Variants in ARPP19 observed in about 807,000 individuals in gnomAD.
ARPP19 encodes the protein cAMP-regulated phosphoprotein 19.
ARPP19 carries 8 observed loss-of-function variants against 12.0 expected under a neutral mutation model. The ratio of observed to expected loss-of-function variants is 0.67; its 90% CI spans 0.39 to 1.21. The LOEUF is 1.21. Ranked by LOEUF, ARPP19 falls within the 50% of genes most tolerant of loss-of-function variation. The pLI is 0.01. For synonymous variants in ARPP19, 47 were observed against 50.4 expected (o/e 0.93, Z 0.29); for missense variants, 102 against 136.3 (o/e 0.75, Z 1.25).
intron 2 of ARPP19, among the ~76,000 whole-genome samples, chr15:52,556,089 T>G (rs1390701688): frequency 6.6e-6 from 1 of 152,086 alleles, no homozygotes; most frequent in African/African-American, 2.4e-5. Flanking sequence ...TCCTAGTATT[T>G]CAAAGCTGTG....
intron 2 of ARPP19, 30 bp from the exon 3 acceptor site, chr15:52,552,134 T>C (rs1194964066): frequency 5.0e-6 from 7 of 1,402,908 alleles, no homozygotes; most frequent in Non-Finnish European, 7.1e-6. Context: ...AAATTCAGAT[T>C]AGAGCTTAGC....
intron 2 of ARPP19, among the ~76,000 whole-genome samples, chr15:52,553,608 T>TA (rs1181059376): frequency 6.6e-6 from 1 of 152,210 alleles, no homozygotes; most frequent in Non-Finnish European, 1.5e-5. Context: ...CACAGTGCTA[T>TA]ATGGTGCTCA....
chr15:52,556,601 A>G (rs905837878), intron 2 of ARPP19, among the ~76,000 whole-genome samples: 1 of 152,156 alleles, frequency 6.6e-6, no homozygotes, highest in Non-Finnish European at 1.5e-5. Context: ...TTTCATCCAA[A>G]TAAGTATTTT....
upstream of ARPP19, chr15:52,569,073 C>A: frequency 1.8e-6 from 1 of 565,930 alleles, no homozygotes; most frequent in Non-Finnish European, 3.1e-6. Flanking sequence ...GGCCCTCGCA[C>A]GCCGGAGCCC....
Position 52,550,563 on chromosome 15 carries a change from G to A in ARPP19, c.*1371C>T, listed in dbSNP as rs1259788941. ...GAGCCTAGGAGTAAGGTTGCAGTGA[G>A]CTGTGATTGCACTACTGCACTAGAG... is the stretch of plus-strand genomic sequence containing the variant. On this transcript the variant is annotated 3_prime_UTR_variant, in exon 3 of 3. Coordinates refer to ENST00000249822, the MANE Select transcript of ARPP19 (RefSeq NM_006628.6). 1 of 152,106 alleles carries A rather than the reference G, an allele frequency of 6.6e-6. No homozygotes were observed. The highest frequency in any genetic ancestry group is 2.4e-5 in the African/African-American group (1 of 41,422). 9.4% of individuals were successfully genotyped at this position (152,106 alleles called of 1,614,324 possible).
rs2077915038 is a variant in ARPP19 at position 52,550,062 on chromosome 15, G to C, written c.*1872C>G. 1.3e-5 allele frequency: 2 copies of C among 152,682 alleles called. No individual in the cohort carries two copies. The highest frequency in any genetic ancestry group is 2.1e-4 in the South Asian group (1 of 4,824). The allele number at this position is 152,682 out of a possible 1,614,324, so 9.5% of individuals were successfully genotyped here. A position where few individuals can be genotyped will look rare whatever the true frequency, so the allele number is the denominator to read the frequency against. Reference sequence around the variant, plus strand: ...TCATAGGAGAGCAGGTATACTGATGGAACCAGGATTCAGAAAAGATGCCTG... The same window carrying C: ...TCATAGGAGAGCAGGTATACTGATGCAACCAGGATTCAGAAAAGATGCCTG... On this transcript the variant is annotated 3_prime_UTR_variant, in exon 3 of 3. Coordinates refer to ENST00000249822, the MANE Select transcript of ARPP19 (RefSeq NM_006628.6).
intron 1 of ARPP19, among the ~76,000 whole-genome samples, chr15:52,568,037 A>G (rs1595870136): frequency 6.6e-6 from 1 of 152,304 alleles, no homozygotes; most frequent in East Asian, 1.9e-4. Context: ...AGAGACAAAC[A>G]CCAGCCTAGA....
At chr15:52,558,512 T>C (rs553137885) in intron 1 of ARPP19, among the ~76,000 whole-genome samples, 1 of 149,748 alleles carries the variant, frequency 6.7e-6, no homozygotes, top group Non-Finnish European at 1.5e-5. Flanking sequence ...GAGAAAAAGC[T>C]GTACTGAGAT....
At chr15:52,560,996 T>C (rs1041470749) in intron 1 of ARPP19, among the ~76,000 whole-genome samples, 6 of 152,230 alleles carry the variant, frequency 3.9e-5, no homozygotes, top group Non-Finnish European at 8.8e-5. Flanking sequence ...CTCCCTTTTG[T>C]TCCTCTATTC....
In ARPP19 at chr15:52,551,897, A is replaced by C; in HGVS notation, c.*37T>G. The C allele has an allele frequency of 6.7e-7, 1 of 1,498,118 alleles. No homozygotes were observed. The highest frequency in any genetic ancestry group is 1.4e-5 in the African/African-American group (1 of 71,526). The allele number at this position is 1,498,118 out of a possible 1,614,324, so 92.8% of individuals were successfully genotyped here. A position where few individuals can be genotyped will look rare whatever the true frequency, so the allele number is the denominator to read the frequency against. On this transcript the variant is annotated 3_prime_UTR_variant, in exon 3 of 3. Transcript: ENST00000249822. Reference sequence around the variant, plus strand: ...ATAAGTAACATATTAAGGAGAAATAATGAGATTTAGCAGATTCATGCAGTT... The same window carrying C: ...ATAAGTAACATATTAAGGAGAAATACTGAGATTTAGCAGATTCATGCAGTT...
intron 2 of ARPP19, among the ~76,000 whole-genome samples, chr15:52,553,098 C>A (rs1173883971): frequency 6.6e-6 from 1 of 151,910 alleles, no homozygotes; most frequent in East Asian, 1.9e-4. Flanking sequence ...AACCAACCCC[C>A]CCATAATTAT....
chr15:52,561,632 G>A (rs2078033065), intron 1 of ARPP19, among the ~76,000 whole-genome samples: 1 of 151,832 alleles, frequency 6.6e-6, no homozygotes, highest in African/African-American at 2.4e-5. Context: ...GGAGTGTTGG[G>A]GAGAGCAAGA....
intron 1 of ARPP19, among the ~76,000 whole-genome samples, chr15:52,567,453 TGTAA>T (rs2078094227): frequency 6.6e-6 from 1 of 152,238 alleles, no homozygotes; most frequent in Admixed American, 6.5e-5. Context: ...CTAAGTTTGA[TGTAA>T]GTGTTTAAGG....
At position 52,547,278 on chromosome 15, in the gene ARPP19, T is replaced by C. The variant is rs2077885722; in HGVS notation, c.*4656A>G. 6.6e-6 allele frequency: 1 copy of C among 152,214 alleles called. No homozygotes were observed. Among genetic ancestry groups the C allele is most frequent in the African/African-American group, 2.4e-5 (1 of 41,440 alleles). 9.4% of individuals were successfully genotyped at this position (152,214 alleles called of 1,614,324 possible). ...TCCATTTATTTTTTAAATACAAGTATAATTTTGGAAGGGGTATTTGACAAA... is the reference window on the plus strand; with the variant it reads ...TCCATTTATTTTTTAAATACAAGTACAATTTTGGAAGGGGTATTTGACAAA... On this transcript the variant is annotated 3_prime_UTR_variant, in exon 3 of 3. Coordinates refer to ENST00000249822, the MANE Select transcript of ARPP19 (RefSeq NM_006628.6).
chr15:52,554,258 G>A (rs2077961660), intron 2 of ARPP19, among the ~76,000 whole-genome samples: 2 of 151,978 alleles, frequency 1.3e-5, no homozygotes, highest in Admixed American at 1.3e-4. Flanking sequence ...TCAATTAACT[G>A]TAGATTAGGC....
intron 2 of ARPP19, 159 bp downstream of exon 2, chr15:52,556,941 A>C (rs2077987043): frequency 1.5e-6 from 1 of 661,464 alleles, no homozygotes; most frequent in Non-Finnish European, 2.4e-6. Flanking sequence ...GCTTATTTAT[A>C]AACTGCAAAA....
chr15:52,562,704 T>A (rs1039019447), intron 1 of ARPP19, among the ~76,000 whole-genome samples: 5 of 151,892 alleles, frequency 3.3e-5, no homozygotes, highest in Non-Finnish European at 7.4e-5. Context: ...CAAGGGCTTA[T>A]ATCAGAGAAG....
chr15:52,569,015 G>A lies in ARPP19; in HGVS notation c.-123C>T. ...CGGGCCGCCTCCGCCCGCGAAAATGGCCGCCGCCTTATGACGACACGGAGC... is the reference window on the plus strand; with the variant it reads ...CGGGCCGCCTCCGCCCGCGAAAATGACCGCCGCCTTATGACGACACGGAGC... On this transcript the variant is annotated 5_prime_UTR_variant, in exon 1 of 3. Transcript: ENST00000249822. 1.5e-6 allele frequency: 1 copy of A among 685,438 alleles called. No homozygotes were observed. Among genetic ancestry groups the A allele is most frequent in the Non-Finnish European group, 2.5e-6 (1 of 407,924 alleles). 42.5% of individuals were successfully genotyped at this position (685,438 alleles called of 1,614,324 possible).
chr15:52,558,179 C>T (rs1033455259), intron 1 of ARPP19, among the ~76,000 whole-genome samples: 1 of 152,096 alleles, frequency 6.6e-6, no homozygotes, highest in African/African-American at 2.4e-5. Flanking sequence ...AGACTGGGCA[C>T]GGTGGCTCAC....
Sources: gnomAD v4.1 joint callset for allele counts (sites outside exome capture counted in the v4.1 genomes callset) on GRCh38, gnomAD v4.1.1 for gene constraint, MANE v1.5 for transcripts, NCBI Gene and HGNC (gene_info 2026-07-23, HGNC 2026-07-21) for gene names.